EVC2: variants seen among roughly 807,000 people sequenced by gnomAD.
EVC2 encodes the protein limbin.
EVC2 carries 148 observed loss-of-function variants against 149.3 expected under a neutral mutation model. The ratio of observed to expected loss-of-function variants is 0.99; its 90% CI spans 0.87 to 1.14. EVC2 has a LOEUF of 1.14. Ranked by LOEUF, EVC2 falls within the 50% of genes most tolerant of loss-of-function variation. The pLI is 0.00. For synonymous variants in EVC2, 776 were observed against 649.9 expected, an observed-to-expected ratio of 1.19 and a Z score of -2.95; for missense variants, 1,854 against 1,627.3, an observed-to-expected ratio of 1.14 and a Z score of -2.40.
chr4:5,665,998 T>G (rs1719256771), intron 7 of EVC2, among the ~76,000 whole-genome samples: 1 of 152,138 alleles, frequency 6.6e-6, no homozygotes, highest in Non-Finnish European at 1.5e-5. Context: ...CCGTGACATT[T>G]TCTGAGAATC....
rs1403318654 is a variant in EVC2, at chr4:5,657,113, G to C, written c.1145+5994C>G. Among the ~76,000 whole-genome samples the C allele has an allele frequency of 6.6e-6, 1 of 152,134 alleles. No individual in the cohort carries two copies. The highest frequency in any genetic ancestry group is 1.5e-5 in the Non-Finnish European group (1 of 68,018). ...GACCACTGAGACCACTGCAGGGGAA[G>C]GCACCTCGTCCAGGCAGGGAGGCCC... On this transcript the variant is annotated intron_variant, in intron 9 of 21. Coordinates refer to ENST00000344408, the MANE Select transcript of EVC2 (RefSeq NM_147127.5). This position sits in a 1 kb window ranked among gnomAD's most constrained non-coding sequence, Gnocchi z 4.7.
rs550807835 is a variant in EVC2 at position 5,566,537 on chromosome 4, T to C, written c.3558-1178A>G. Among the ~76,000 whole-genome samples, 15 of 152,308 alleles carry C rather than the reference T, an allele frequency of 9.8e-5. No homozygotes were observed. In the South Asian group the frequency reaches 3.1e-3, roughly 32 times the overall value. On this transcript the variant is annotated intron_variant, in intron 20 of 21. Transcript: ENST00000344408. ...GATTAATTATTCAGTTCCCATTGCT[T>C]GAAACCCAAGACTCATAACTGATGT...
chr4:5,596,295 C>T (rs1449433616), intron 16 of EVC2, among the ~76,000 whole-genome samples: 1 of 152,168 alleles, frequency 6.6e-6, no homozygotes, highest in Non-Finnish European at 1.5e-5. Context: ...CACACCTGTT[C>T]CAAAATTGAC....
At chr4:5,593,745 C>T (rs1047811793) in intron 16 of EVC2, among the ~76,000 whole-genome samples, 6 of 152,122 alleles carry the variant, frequency 3.9e-5, no homozygotes, top group South Asian at 2.1e-4. Context: ...GTGCACCGTG[C>T]GTGAGCCAAA....
rs1344512491 is a variant in EVC2, at chr4:5,657,341, C to T, written c.1145+5766G>A. Among the ~76,000 whole-genome samples, 1 of 152,132 alleles carries T rather than the reference C, an allele frequency of 6.6e-6. No individual in the cohort carries two copies. On this transcript the variant is annotated intron_variant, in intron 9 of 21. Coordinates refer to ENST00000344408, the MANE Select transcript of EVC2 (RefSeq NM_147127.5). The surrounding 1 kb of genome is among the most constrained non-coding windows in gnomAD (Gnocchi z 4.7). ...AAGCCACGTATCTGCTGCATCTACA[C>T]AGACTCTGCCATCCTTCCTACCATG... is the stretch of plus-strand genomic sequence containing the variant.
intron 21 of EVC2, among the ~76,000 whole-genome samples, chr4:5,555,023 T>C (rs1560118263): frequency 6.7e-6 from 1 of 149,300 alleles, no homozygotes; most frequent in Non-Finnish European, 1.5e-5. Context: ...GAAGCGTGTG[T>C]GTGTGTGTGT....
chr4:5,607,741 A>C (rs1164935270), intron 16 of EVC2, among the ~76,000 whole-genome samples: 3 of 152,154 alleles, frequency 2.0e-5, no homozygotes, highest in African/African-American at 7.2e-5. Flanking sequence ...TCTATCTGAA[A>C]GCAGAATGCA....
chr4:5,539,311 G>C (rs865937826), downstream of EVC2, among the ~76,000 whole-genome samples: 16 of 152,224 alleles, frequency 1.1e-4, no homozygotes, highest in African/African-American at 2.6e-4. Context: ...GAGCTATACT[G>C]TATTTGTGGA....
chr4:5,627,544 A>C (rs1486402124), intron 12 of EVC2, among the ~76,000 whole-genome samples: 1 of 152,248 alleles, frequency 6.6e-6, no homozygotes, highest in African/African-American at 2.4e-5. Flanking sequence ...GAACCACAGT[A>C]AAACAACAGA....
downstream of EVC2, among the ~76,000 whole-genome samples, chr4:5,542,113 T>C (rs35012774): frequency 3.7e-3 from 559 of 152,208 alleles, 2 homozygotes; most frequent in Non-Finnish European, 5.9e-3. Context: ...ATCTGCAACA[T>C]GGAAGAGAGC....
At chr4:5,650,041 T>C (rs1272549055) in intron 9 of EVC2, among the ~76,000 whole-genome samples, 1 of 152,162 alleles carries the variant, frequency 6.6e-6, no homozygotes, top group African/African-American at 2.4e-5. Context: ...GACTGCAAGG[T>C]ACAAGAGGTC....
At chr4:5,685,937 CT>C (rs1415944576) in intron 5 of EVC2, among the ~76,000 whole-genome samples, 2 of 152,124 alleles carry the variant, frequency 1.3e-5, no homozygotes, top group South Asian at 2.1e-4. Context: ...CTGTTCTCAC[CT>C]AAGCTTGTCC....
intron 1 of EVC2, among the ~76,000 whole-genome samples, chr4:5,706,585 G>T (rs987012691): frequency 6.6e-6 from 1 of 151,910 alleles, no homozygotes; most frequent in Non-Finnish European, 1.5e-5. Flanking sequence ...TGTGCTCTGG[G>T]AACAGCCCTT....
chr4:5,691,943 T>A (rs1304086781), intron 3 of EVC2, among the ~76,000 whole-genome samples: 1 of 152,216 alleles, frequency 6.6e-6, no homozygotes, highest in East Asian at 1.9e-4. Context: ...AACAAATATC[T>A]GTTCATTTCT....
intron 4 of EVC2, among the ~76,000 whole-genome samples, chr4:5,689,753 T>G (rs752688360): frequency 6.6e-6 from 1 of 152,180 alleles, no homozygotes; most frequent in Non-Finnish European, 1.5e-5. Context: ...TCATGTGATC[T>G]CCAGGAAGGA....
At position 5,613,323 on chromosome 4, in the gene EVC2, C is replaced by A. The variant is rs948538436; in HGVS notation, c.2829+2099G>T. On this transcript the variant is annotated intron_variant, in intron 16 of 21. Transcript: ENST00000344408. The surrounding 1 kb of genome is among the most constrained non-coding windows in gnomAD (Gnocchi z 4.6). ...CAGTCCAGGATACCCATTCCCTCTG[C>A]CAAACCAAACCCCAGCTTTCCCTTC... Among the ~76,000 whole-genome samples the A allele has an allele frequency of 2.0e-5, 3 of 152,190 alleles. No individual in the cohort carries two copies. Among genetic ancestry groups the A allele is most frequent in the African/African-American group, 7.2e-5 (3 of 41,450 alleles).
At chr4:5,532,204 C>T in the EVC2 span, among the ~76,000 whole-genome samples, 1 of 151,998 alleles carries the variant, frequency 6.6e-6, no homozygotes, top group Non-Finnish European at 1.5e-5. Context: ...CAGAGGAAAG[C>T]TGAGGCTGCA....
chr4:5,681,260 C>T lies in EVC2; in HGVS notation c.870G>A (p.Thr290=), dbSNP rs768840745. The T allele has an allele frequency of 7.4e-6, 12 of 1,614,114 alleles. No individual in the cohort carries two copies. The highest frequency in any genetic ancestry group is 2.2e-5 in the East Asian group (1 of 44,896). The change falls in exon 7 of 22, where the codon ACG becomes ACA. Residue 290 remains threonine (T), a splice_region_variant and synonymous_variant. Coordinates refer to ENST00000344408, the MANE Select transcript of EVC2 (RefSeq NM_147127.5). ...GCTCAGGGCATGTCATGTCTCTTAC[C>T]GTTACGTTTTCTTCTGCTGTTATGG... The part of the protein sequence containing the change: ...LFSITAEENV[T]VLPHHGLHAA...
intron 13 of EVC2, among the ~76,000 whole-genome samples, chr4:5,624,899 C>T (rs933819961): frequency 7.9e-5 from 12 of 152,126 alleles, no homozygotes; most frequent in South Asian, 2.1e-4. Context: ...CAACTACTTG[C>T]GTGTCACTCT....
Sources: allele counts gnomAD v4.1 joint callset (sites outside exome capture counted in the v4.1 genomes callset), GRCh38; gene constraint gnomAD v4.1.1; non-coding constraint Gnocchi (gnomAD v3.1); transcripts MANE v1.5; gene names NCBI Gene and HGNC (gene_info 2026-07-23, HGNC 2026-07-21).